Variants in HSD17B3 observed in about 807,000 individuals in gnomAD.
HSD17B3 encodes the protein hydroxysteroid 17-beta dehydrogenase 3.
In HSD17B3, 29 loss-of-function variants were observed where a neutral mutation model predicts 41.1. The observed-to-expected ratio is 0.71, with a 90% CI of 0.53 to 0.96. The LOEUF (loss-of-function observed/expected upper bound fraction) is 0.96. Among genes scored for constraint, HSD17B3 ranks in the 40% least tolerant of loss-of-function variants. The pLI is 0.00. For missense variants in HSD17B3, 323 were observed against 374.6 expected, an observed-to-expected ratio of 0.86 and a Z score of 1.14; for synonymous variants, 126 against 145.6, an observed-to-expected ratio of 0.87 and a Z score of 0.97.
intron 2 of HSD17B3, among the ~76,000 whole-genome samples, chr9:96,274,363 A>C (rs911513198): frequency 6.6e-6 from 1 of 152,196 alleles, no homozygotes; most frequent in Non-Finnish European, 1.5e-5. Flanking sequence ...CAGGAGGCTG[A>C]GGCAGGAGAA....
chr9:96,270,263 CACACACAG>C (rs1395372136), intron 2 of HSD17B3, among the ~76,000 whole-genome samples: 3 of 151,236 alleles, frequency 2.0e-5, no homozygotes, highest in Non-Finnish European at 2.9e-5. Context: ...CACACACACA[CACACACAG>C]AGAGAGAGAG....
chr9:96,252,149 GT>G (rs746712400), intron 4 of HSD17B3, among the ~76,000 whole-genome samples: 2 of 152,134 alleles, frequency 1.3e-5, no homozygotes, highest in Non-Finnish European at 2.9e-5. Context: ...AGCAATGTTT[GT>G]TTGCTAAACT....
At chr9:96,279,692 G>C (rs887130605) in intron 2 of HSD17B3, among the ~76,000 whole-genome samples, 4 of 152,084 alleles carry the variant, frequency 2.6e-5, no homozygotes, top group African/African-American at 9.7e-5. Flanking sequence ...AAATACATTT[G>C]GGGGTAAAAT....
At chr9:96,289,109 T>TAA (rs34252191) in intron 2 of HSD17B3, among the ~76,000 whole-genome samples, 21 of 143,662 alleles carry the variant, frequency 1.5e-4, no homozygotes, top group Non-Finnish European at 2.1e-4. Flanking sequence ...ACCCTATCCC[T>TAA]AAAAAAAAAC....
At chr9:96,238,359 G>C (rs949963031) in intron 10 of HSD17B3, among the ~76,000 whole-genome samples, 3 of 151,974 alleles carry the variant, frequency 2.0e-5, no homozygotes, top group Non-Finnish European at 2.9e-5. Context: ...CCGAGAAAGT[G>C]CACAAGAAAT....
intron 1 of HSD17B3, 50 bp from the exon 2 acceptor site, chr9:96,298,512 C>CTCT: frequency 6.7e-7 from 1 of 1,498,002 alleles, no homozygotes; most frequent in Non-Finnish European, 9.3e-7. Context: ...CTTTAAACTT[C>CTCT]TCTTTCTCAC....
intron 6 of HSD17B3, 81 bp from the exon 7 acceptor site, chr9:96,246,671 C>T (rs780230739): frequency 7.9e-6 from 10 of 1,262,302 alleles, no homozygotes; most frequent in African/African-American, 7.3e-5. Flanking sequence ...GGGAAGGGAG[C>T]GCGGGAGGAA....
rs184844122 is a variant in HSD17B3, at chr9:96,295,299, C to T, written c.201+3117G>A. Among the ~76,000 whole-genome samples, 887 of 151,572 alleles carry T rather than the reference C, an allele frequency of 5.9e-3. 13 individuals carry two copies. Among genetic ancestry groups the T allele is most frequent in the African/African-American group, 0.021 (853 of 41,278 alleles). ...GGATTACAGGCGTGAGCCACCACAC[C>T]GGGCCACAAGGAGTTTTTTGGTTTG... On this transcript the variant is annotated intron_variant, in intron 2 of 10. Transcript: ENST00000375263.
chr9:96,249,596 C>T (rs951849999), intron 6 of HSD17B3, 155 bp downstream of exon 6: 1 of 692,668 alleles, frequency 1.4e-6, no homozygotes, highest in Non-Finnish European at 2.6e-6. Context: ...AAAAACAGAA[C>T]AAGACAATTA....
At chr9:96,249,680 C>T in intron 6 of HSD17B3, 71 bp downstream of exon 6, 1 of 1,401,956 alleles carries the variant, frequency 7.1e-7, no homozygotes, top group Non-Finnish European at 1.0e-6. Context: ...TGGATGGGCA[C>T]AATTCTCCTG....
chr9:96,268,334 G>A (rs1826115570), intron 2 of HSD17B3, among the ~76,000 whole-genome samples: 1 of 151,940 alleles, frequency 6.6e-6, no homozygotes. Context: ...AACATAGTAA[G>A]ATAATATTAC....
intron 10 of HSD17B3, among the ~76,000 whole-genome samples, chr9:96,236,295 T>C (rs1389237138): frequency 1.3e-5 from 2 of 151,416 alleles, no homozygotes; most frequent in African/African-American, 4.9e-5. Flanking sequence ...GGCAGGTGGA[T>C]CACTTGAGGT....
intron 2 of HSD17B3, among the ~76,000 whole-genome samples, chr9:96,273,477 A>G (rs1826339679): frequency 6.6e-6 from 1 of 152,124 alleles, no homozygotes; most frequent in South Asian, 2.1e-4. Context: ...AGAAAAGGAG[A>G]GCAGGATGAC....
intron 2 of HSD17B3, among the ~76,000 whole-genome samples, chr9:96,289,735 G>A (rs1255569222): frequency 1.3e-5 from 2 of 152,122 alleles, no homozygotes; most frequent in African/African-American, 2.4e-5. Flanking sequence ...GGTTGTCTGG[G>A]CTGGCATTGT....
rs181425110 is a variant in HSD17B3, at chr9:96,280,470, A to G, written c.201+17946T>C. ...AGATGTTGATGAACTCTGATTTGTC[A>G]TTTTTAAAAATAACTAAAAACTCAA... On this transcript the variant is annotated intron_variant, in intron 2 of 10. Transcript: ENST00000375263. Among the ~76,000 whole-genome samples the G allele has an allele frequency of 5.1e-4, 77 of 152,308 alleles. 1 individual carries two copies. Among genetic ancestry groups the G allele is most frequent in the Admixed American group, 1.8e-3 (28 of 15,304 alleles).
At chr9:96,269,158 G>A (rs1282833382) in intron 2 of HSD17B3, among the ~76,000 whole-genome samples, 1 of 152,148 alleles carries the variant, frequency 6.6e-6, no homozygotes, top group African/African-American at 2.4e-5. Flanking sequence ...TGTATGACAT[G>A]GGACTGTACT....
intron 2 of HSD17B3, among the ~76,000 whole-genome samples, chr9:96,267,195 C>T (rs1250147411): frequency 2.0e-5 from 3 of 149,296 alleles, no homozygotes; most frequent in Admixed American, 1.3e-4. Flanking sequence ...CTTGCTCTGT[C>T]GCCCAGGCTG....
rs1752858093 is a variant in HSD17B3, at chr9:96,261,292, T to G, written c.202-6349A>C. 2.0e-5 allele frequency among the ~76,000 whole-genome samples: 3 copies of G among 152,080 alleles called. No individual in the cohort carries two copies. In the South Asian group the frequency reaches 6.2e-4, roughly 32 times the overall value. On this transcript the variant is annotated intron_variant, in intron 2 of 10. Transcript: ENST00000375263. ...CTCACTGCAACCTCAGCCTCCCAGGTTCAAGGGATTCTCCTGCCTCAGCCT... is the reference window on the plus strand; with the variant it reads ...CTCACTGCAACCTCAGCCTCCCAGGGTCAAGGGATTCTCCTGCCTCAGCCT...
At chr9:96,246,655 G>T in intron 6 of HSD17B3, 65 bp from the exon 7 acceptor site, 2 of 1,454,932 alleles carry the variant, frequency 1.4e-6, no homozygotes, top group Non-Finnish European at 9.7e-7. Context: ...GGGCGGGATG[G>T]AAACAGGGAA....
Sources: gnomAD v4.1 joint callset for allele counts (sites outside exome capture counted in the v4.1 genomes callset) on GRCh38, gnomAD v4.1.1 for gene constraint, MANE v1.5 for transcripts, NCBI Gene and HGNC (gene_info 2026-07-23, HGNC 2026-07-21) for gene names.